The following SIGLEC1 variants were observed in gnomAD, a reference collection of about 807,000 sequenced individuals.
SIGLEC1 encodes sialoadhesin.
A neutral mutation model predicts 148.0 loss-of-function variants in SIGLEC1; 132 were observed. The ratio of observed to expected loss-of-function variants is 0.89; its 90% CI spans 0.77 to 1.03. The LOEUF is 1.03. Among genes scored for constraint, SIGLEC1 ranks in the 50% least tolerant of loss-of-function variants. SIGLEC1 has a pLI of 0.00. For missense variants in SIGLEC1, 2,253 were observed against 2,271.4 expected (o/e 0.99, Z 0.16); for synonymous variants, 945 against 969.0 (o/e 0.98, Z 0.46).
chr20:3,697,821 G>T lies in SIGLEC1; in HGVS notation c.2099C>A (p.Thr700Asn), dbSNP rs375013887. Residue 700 changes from threonine (T) to asparagine (N), a missense_variant, in exon 9 of 22, where the codon ACC becomes AAC. By Grantham distance (65) the Thr-to-Asn change is moderately conservative (BLOSUM62 0). Coordinates refer to ENST00000344754, the MANE Select transcript of SIGLEC1 (RefSeq NM_023068.4). ...ACCCTGGCCATTGAAGGTGGCTGAG[G>T]TGGAGGCGTTGCCCAGGGCATTGCT... Reference protein sequence around the residue: ...EASNALGNASTSATFNGQATV... With the variant: ...EASNALGNASNSATFNGQATV... 1.7e-5 allele frequency: 28 copies of T among 1,612,878 alleles called. No homozygotes were observed. The African/African-American group carries it at 3.5e-4, about 20-fold the overall frequency.
chr20:3,704,023 T>G lies in SIGLEC1; in HGVS notation c.775A>C (p.Thr259Pro). The G allele has an allele frequency of 6.2e-7, 1 of 1,613,364 alleles. No homozygotes were observed. Among genetic ancestry groups the G allele is most frequent in the East Asian group, 2.2e-5 (1 of 44,860 alleles). The part of the protein sequence containing the change: ...GRNILPGELV[T>P]LTCQVNSSYP... Reference sequence around the variant, plus strand: ...CTGCTGTTCACCTGGCAGGTGAGTGTGACCAGCTCACCTGGAAGGATGTTC... The same window carrying G: ...CTGCTGTTCACCTGGCAGGTGAGTGGGACCAGCTCACCTGGAAGGATGTTC... The change falls in exon 5 of 22, where the codon ACA becomes CCA. Residue 259 changes from threonine to proline, a missense_variant. Physicochemically the swap from Thr to Pro is conservative, Grantham distance 38. Coordinates refer to ENST00000344754, the MANE Select transcript of SIGLEC1 (RefSeq NM_023068.4).
chr20:3,706,855 C>A, intron 2 of SIGLEC1, 149 bp from the exon 3 acceptor site: 1 of 1,121,760 alleles, frequency 8.9e-7, no homozygotes, highest in Non-Finnish European at 1.2e-6. Context: ...AGCAGCCCTT[C>A]TCAGTGCCCC....
At chr20:3,700,520 G>T (rs1049318633) in intron 7 of SIGLEC1, among the ~76,000 whole-genome samples, 4 of 151,766 alleles carry the variant, frequency 2.6e-5, no homozygotes, top group African/African-American at 7.3e-5. Context: ...GGAGTTTGAG[G>T]CTGCAGTGAG....
rs779166120 is a variant in SIGLEC1, at chr20:3,693,555, T to C, written c.3400A>G (p.Ile1134Val). Reference protein sequence around the residue: ...DGQQRLDAHSIPLPNVTVRDA... With the variant: ...DGQQRLDAHSVPLPNVTVRDA... The stretch of plus-strand genomic sequence containing the variant: ...CTGACTGTGACGTTGGGCAGGGGGA[T>C]GGAGTGGGCATCCAGGCGCTGCTGC... The change falls in exon 14 of 22, where the codon ATC becomes GTC. Residue 1134 changes from isoleucine (I) to valine (V), a missense_variant. Coordinates refer to ENST00000344754, the MANE Select transcript of SIGLEC1 (RefSeq NM_023068.4). 2.9e-5 allele frequency: 46 copies of C among 1,612,478 alleles called. No homozygotes were observed. Among genetic ancestry groups the C allele is most frequent in the Non-Finnish European group, 2.5e-6 (3 of 1,179,564 alleles).
chr20:3,689,701 G>A lies in SIGLEC1; in HGVS notation c.4896C>T (p.Ala1632=). The A allele has an allele frequency of 6.4e-7, 1 of 1,572,256 alleles. No homozygotes were observed. Among genetic ancestry groups the A allele is most frequent in the Non-Finnish European group, 8.6e-7 (1 of 1,158,916 alleles). ...ASTSTYFGVR[A]LHRLHQFQQL... ...GCTGGAACTGATGCAGGCGGTGCAG[G>A]GCTGGAACACAGAGCGGGACTCAGA... is the stretch of plus-strand genomic sequence containing the variant. The change falls in exon 20 of 22, where the codon GCC becomes GCT. Residue 1632 remains alanine, a splice_region_variant and synonymous_variant. Transcript: ENST00000344754.
At position 3,706,723 on chromosome 20, in the gene SIGLEC1, A is replaced by G; in HGVS notation, c.50-17T>C. 5 of 1,522,158 alleles carry G rather than the reference A, an allele frequency of 3.3e-6. No homozygotes were observed. The highest frequency in any genetic ancestry group is 4.4e-6 in the Non-Finnish European group (5 of 1,128,062). The allele number at this position is 1,522,158 out of a possible 1,614,324, so 94.3% of individuals were successfully genotyped here. On this transcript the variant is annotated splice_polypyrimidine_tract_variant and intron_variant, in intron 2 of 21. Transcript: ENST00000344754. Reference sequence around the variant, plus strand: ...AGGCCTGGCCTGGGGGAAGAACGGCAGGGGGACAGAGGGGAGGGTGATACA... The same window carrying G: ...AGGCCTGGCCTGGGGGAAGAACGGCGGGGGGACAGAGGGGAGGGTGATACA...
At chr20:3,701,127 G>A (rs2087847577) in intron 7 of SIGLEC1, among the ~76,000 whole-genome samples, 1 of 152,360 alleles carries the variant, frequency 6.6e-6, no homozygotes, top group East Asian at 1.9e-4. Flanking sequence ...CAGGGTAGGT[G>A]CAAAAGGAAT....
At chr20:3,690,303 A>G in intron 18 of SIGLEC1, 39 bp from the exon 19 acceptor site, 2 of 1,486,604 alleles carry the variant, frequency 1.3e-6, no homozygotes, top group Non-Finnish European at 9.0e-7. Flanking sequence ...GCAGACAATG[A>G]CCACAAATTT....
Position 3,706,489 on chromosome 20 carries a change from G to T in SIGLEC1, c.267C>A (p.Phe89Leu). Residue 89 changes from phenylalanine to leucine, a missense_variant, in exon 3 of 22, where the codon TTC becomes TTA. Physicochemically the swap from Phe to Leu is conservative, Grantham distance 22. Transcript: ENST00000344754. ...VEARFRGRTE[F>L]MGNPEHRVCN... ...ACACCCTGTGCTCGGGGTTCCCCAT[G>T]AACTCGGTGCGGCCGCGGAAGCGGG... The T allele has an allele frequency of 6.2e-7, 1 of 1,613,846 alleles. No homozygotes were observed. Among genetic ancestry groups the T allele is most frequent in the East Asian group, 2.2e-5 (1 of 44,878 alleles).
intron 18 of SIGLEC1, 135 bp from the exon 19 acceptor site, chr20:3,690,399 C>T (rs2088747029): frequency 1.4e-6 from 1 of 723,960 alleles, no homozygotes. Flanking sequence ...GAATCTGTGA[C>T]TCAGTTTGAC....
intron 11 of SIGLEC1, among the ~76,000 whole-genome samples, chr20:3,696,257 A>T (rs1232500391): frequency 6.6e-6 from 1 of 152,210 alleles, no homozygotes; most frequent in East Asian, 1.9e-4. Context: ...ATACATAAAC[A>T]TATATGCATA....
chr20:3,690,669 G>A (rs1321655043), intron 18 of SIGLEC1, among the ~76,000 whole-genome samples: 2 of 152,228 alleles, frequency 1.3e-5, no homozygotes, highest in African/African-American at 4.8e-5. Flanking sequence ...ACTTTTGTTT[G>A]AAGCAGTAAG....
intron 3 of SIGLEC1, 98 bp from the exon 4 acceptor site, chr20:3,706,138 G>T: frequency 7.3e-7 from 1 of 1,370,850 alleles, no homozygotes; most frequent in Non-Finnish European, 9.9e-7. Context: ...TGGGGAGGGG[G>T]CTTTTAGGGG....
At chr20:3,697,683 C>A in intron 9 of SIGLEC1, 115 bp downstream of exon 9, 1 of 939,964 alleles carries the variant, frequency 1.1e-6, no homozygotes, top group South Asian at 1.5e-5. Flanking sequence ...AGGAGGGCAG[C>A]GAAGGGCCCC....
At position 3,688,988 on chromosome 20, in the gene SIGLEC1, A is replaced by G. The variant is rs567431296; in HGVS notation, c.5070+167T>C. The G allele has an allele frequency of 1.3e-5, 9 of 673,606 alleles. No homozygotes were observed. The Admixed American group carries it at 1.9e-4, about 14-fold the overall frequency. 41.7% of individuals were successfully genotyped at this position (673,606 alleles called of 1,614,324 possible). ...CACAGGGATTCCCTCTGCCCCGAGC[A>G]GAACAGGGCTCTCCTATCTCCTGAG... On this transcript the variant is annotated intron_variant, in intron 21 of 21. Coordinates refer to ENST00000344754, the MANE Select transcript of SIGLEC1 (RefSeq NM_023068.4).
intron 21 of SIGLEC1, 125 bp downstream of exon 21, chr20:3,689,030 G>A (rs887440276): frequency 1.3e-5 from 11 of 842,422 alleles, no homozygotes; most frequent in Middle Eastern, 2.4e-4. Flanking sequence ...CTGGTTCCCT[G>A]CACACTCTCC....
rs373659133 is a variant in SIGLEC1 at position 3,712,524 on chromosome 20, A to T, written c.-164T>A. On this transcript the variant is annotated 5_prime_UTR_variant, in exon 1 of 22. Coordinates refer to ENST00000344754, the MANE Select transcript of SIGLEC1 (RefSeq NM_023068.4). ...GTGCTGGACCTGCGGAGAGGAGAAC[A>T]GGAAGGACGGCCAAGAGCTCCTGGT... 3.3e-4 allele frequency among the ~76,000 whole-genome samples: 51 copies of T among 152,242 alleles called. No homozygotes were observed. The East Asian group carries it at 8.7e-3, about 26-fold the overall frequency.
chr20:3,705,959 T>C lies in SIGLEC1; in HGVS notation c.491A>G (p.Tyr164Cys), dbSNP rs1464830273. The C allele has an allele frequency of 6.2e-7, 1 of 1,614,064 alleles. No homozygotes were observed. The highest frequency in any genetic ancestry group is 8.5e-7 in the Non-Finnish European group (1 of 1,180,012). The stretch of plus-strand genomic sequence containing the variant: ...TCTGACCTGCTCCTGCAGGCATACG[T>C]AGGGAGTGGAGCAGTTGAAGTCCAC... ...TEVDFNCSTP[Y>C]VCLQEQVRLQ... The change falls in exon 4 of 22, where the codon TAC becomes TGC. Residue 164 changes from tyrosine (Y) to cysteine (C), a missense_variant. Coordinates refer to ENST00000344754, the MANE Select transcript of SIGLEC1 (RefSeq NM_023068.4).
In SIGLEC1 at chr20:3,706,031, C is replaced by G. The variant is rs764294589; in HGVS notation, c.419G>C (p.Arg140Thr). The part of the protein sequence containing the change: ...GTLVTVTEEP[R>T]VPTIASPVEL... ...CACCGGGGAGGCAATGGTGGGCACCCTGGGCTCCTCTGAGGACAGAGACAG... is the reference window on the plus strand; with the variant it reads ...CACCGGGGAGGCAATGGTGGGCACCGTGGGCTCCTCTGAGGACAGAGACAG... The change falls in exon 4 of 22, where the codon AGG (arginine) becomes ACG (threonine). Residue 140 changes from arginine (R) to threonine (T), a missense_variant. Physicochemically the swap from Arg to Thr is moderately conservative, Grantham distance 71. Transcript: ENST00000344754. 1 of 1,612,570 alleles carries G rather than the reference C, an allele frequency of 6.2e-7. No homozygotes were observed. The highest frequency in any genetic ancestry group is 1.3e-5 in the African/African-American group (1 of 75,050).
Sources: allele counts gnomAD v4.1 joint callset (sites outside exome capture counted in the v4.1 genomes callset), GRCh38; gene constraint gnomAD v4.1.1; transcripts MANE v1.5; gene names NCBI Gene and HGNC (gene_info 2026-07-23, HGNC 2026-07-21).